Variants in NPFFR2 observed in about 807,000 individuals in gnomAD.
NPFFR2 encodes the protein G-protein coupled receptor 74.
In NPFFR2, 15 loss-of-function variants were observed where a neutral mutation model predicts 13.1. That is an observed-to-expected ratio of 1.15 (90% confidence interval 0.77 to 1.76). The LOEUF is 1.76. NPFFR2 is among the 40% of genes most tolerant of loss of function. NPFFR2 has a pLI of 0.00. For synonymous variants in NPFFR2, 190 were observed against 175.7 expected, an observed-to-expected ratio of 1.08 and a Z score of -0.65; for missense variants, 572 against 503.5, an observed-to-expected ratio of 1.14 and a Z score of -1.30.
intron 1 of NPFFR2, among the ~76,000 whole-genome samples, chr4:72,093,529 A>T (rs1445284852): frequency 2.0e-5 from 3 of 151,994 alleles, no homozygotes; most frequent in African/African-American, 7.3e-5. Context: ...TTATTTTTTT[A>T]AATTCTTTTT....
chr4:72,034,747 T>G (rs954000405), intron 1 of NPFFR2, among the ~76,000 whole-genome samples: 4 of 152,226 alleles, frequency 2.6e-5, no homozygotes, highest in African/African-American at 4.8e-5. Context: ...GGTTCTTAAA[T>G]GAATTTTCCA....
intron 1 of NPFFR2, among the ~76,000 whole-genome samples, chr4:72,050,266 A>G (rs9994192): frequency 0.11 from 16,702 of 152,020 alleles, 2,062 homozygotes; most frequent in East Asian, 0.48. Flanking sequence ...ATTGACATTA[A>G]CCAGAAGACA....
intron 1 of NPFFR2, among the ~76,000 whole-genome samples, chr4:72,046,027 A>T (rs1719370561): frequency 1.3e-5 from 2 of 152,188 alleles, no homozygotes; most frequent in Admixed American, 1.3e-4. Context: ...AATAATGAAA[A>T]ATTAAACCAT....
chr4:72,146,990 G>A lies in NPFFR2; in HGVS notation c.441G>A (p.Val147=), dbSNP rs1371786609. 3 of 1,611,212 alleles carry A rather than the reference G, an allele frequency of 1.9e-6. No individual in the cohort carries two copies. Among genetic ancestry groups the A allele is most frequent in the Non-Finnish European group, 2.5e-6 (3 of 1,178,086 alleles). ...TGTTTAATTGCAGGTTCCAGTGTGT[G>A]GTCTACCCTTTTAAACCAAAGCTCA... ...VAIAVDRFQC[V]VYPFKPKLTI... The change falls in exon 4 of 4, where the codon GTG becomes GTA. Residue 147 remains valine (V), a synonymous_variant. Coordinates refer to ENST00000308744, the MANE Select transcript of NPFFR2 (RefSeq NM_004885.3).
At chr4:72,126,145 AC>A (rs1412769302) in intron 1 of NPFFR2, among the ~76,000 whole-genome samples, 2 of 152,254 alleles carry the variant, frequency 1.3e-5, no homozygotes, top group African/African-American at 4.8e-5. Context: ...CATATGATAT[AC>A]TTGCATCTCA....
At chr4:72,141,448 T>C (rs1018352134) in intron 3 of NPFFR2, among the ~76,000 whole-genome samples, 2 of 152,232 alleles carry the variant, frequency 1.3e-5, no homozygotes, top group Admixed American at 1.3e-4. Context: ...CCAGAGATTC[T>C]GGTATGTTGT....
Position 72,147,014 on chromosome 4 carries a change from C to A in NPFFR2, c.465C>A (p.Leu155=), listed in dbSNP as rs764128041. Residue 155 remains leucine (L), a synonymous_variant, in exon 4 of 4, where the codon CTC becomes CTA. Transcript: ENST00000308744. ...QCVVYPFKPK[L]TIKTAFVIIM... is the part of the protein sequence containing the mutation. ...TGGTCTACCCTTTTAAACCAAAGCTCACTATCAAGACAGCGTTTGTCATTA... is the reference window on the plus strand; with the variant it reads ...TGGTCTACCCTTTTAAACCAAAGCTAACTATCAAGACAGCGTTTGTCATTA... 1.7e-5 allele frequency: 28 copies of A among 1,613,762 alleles called. No homozygotes were observed. The Admixed American group carries it at 4.5e-4, about 26-fold the overall frequency.
chr4:72,046,305 A>T (rs1219782770), intron 1 of NPFFR2, among the ~76,000 whole-genome samples: 6 of 152,186 alleles, frequency 3.9e-5, no homozygotes, highest in African/African-American at 1.4e-4. Context: ...ACTTTAACAG[A>T]TGATTAGGTC....
intron 1 of NPFFR2, among the ~76,000 whole-genome samples, chr4:72,084,392 G>A (rs551135613): frequency 1.3e-5 from 2 of 152,286 alleles, no homozygotes; most frequent in East Asian, 3.9e-4. Context: ...GGAAGGTGAT[G>A]AGACTGAAAA....
chr4:72,136,790 C>A (rs554412895), intron 2 of NPFFR2, among the ~76,000 whole-genome samples: 1 of 152,148 alleles, frequency 6.6e-6, no homozygotes, highest in Non-Finnish European at 1.5e-5. Flanking sequence ...GAGAGTAAAC[C>A]TCCATTCTTC....
chr4:72,067,989 C>A (rs187223049), intron 1 of NPFFR2, among the ~76,000 whole-genome samples: 1 of 152,178 alleles, frequency 6.6e-6, no homozygotes, highest in African/African-American at 2.4e-5. Flanking sequence ...TCAGAATCAC[C>A]CTTAACACTC....
At chr4:72,076,520 T>G (rs1720441404) in intron 1 of NPFFR2, among the ~76,000 whole-genome samples, 1 of 152,120 alleles carries the variant, frequency 6.6e-6, no homozygotes, top group Admixed American at 6.6e-5. Flanking sequence ...ACATCATGAT[T>G]TGATATGAAA....
At chr4:72,132,056 C>G (rs183576130) in intron 2 of NPFFR2, among the ~76,000 whole-genome samples, 1 of 151,480 alleles carries the variant, frequency 6.6e-6, no homozygotes, top group African/African-American at 2.4e-5. Flanking sequence ...GTTTATTACA[C>G]AGGTAAACTT....
intron 2 of NPFFR2, among the ~76,000 whole-genome samples, chr4:72,133,548 T>C (rs773900416): frequency 1.6e-4 from 25 of 152,208 alleles, no homozygotes; most frequent in Non-Finnish European, 2.6e-4. Context: ...GTAAAGAATG[T>C]CATTGGTGAT....
At chr4:72,035,026 C>T (rs567309017) in intron 1 of NPFFR2, among the ~76,000 whole-genome samples, 1 of 152,202 alleles carries the variant, frequency 6.6e-6, no homozygotes, top group African/African-American at 2.4e-5. Context: ...ATTCCTCAAA[C>T]GTAAAAGGAT....
chr4:72,046,714 C>T (rs540684516), intron 1 of NPFFR2, among the ~76,000 whole-genome samples: 1 of 152,246 alleles, frequency 6.6e-6, no homozygotes, highest in South Asian at 2.1e-4. Context: ...TAGAAAAAGC[C>T]TAGATTGCTG....
intron 1 of NPFFR2, among the ~76,000 whole-genome samples, chr4:72,090,210 G>C (rs28874929): frequency 0.029 from 4,431 of 152,192 alleles, 170 homozygotes; most frequent in African/African-American, 0.09. Context: ...GTACCATGCT[G>C]TTGTGGTGAC....
At chr4:72,101,139 A>T (rs781622127) in intron 1 of NPFFR2, among the ~76,000 whole-genome samples, 12 of 152,116 alleles carry the variant, frequency 7.9e-5, no homozygotes, top group Non-Finnish European at 1.6e-4. Flanking sequence ...ACAAAACAAA[A>T]TAAATACGTT....
chr4:72,143,837 G>T (rs1225768974), intron 3 of NPFFR2, among the ~76,000 whole-genome samples: 4 of 152,140 alleles, frequency 2.6e-5, no homozygotes, highest in Non-Finnish European at 5.9e-5. Flanking sequence ...ACCCCTAGAA[G>T]TAGCCCTCAA....
Sources: allele counts gnomAD v4.1 joint callset (sites outside exome capture counted in the v4.1 genomes callset), GRCh38; gene constraint gnomAD v4.1.1; transcripts MANE v1.5; gene names NCBI Gene and HGNC (gene_info 2026-07-23, HGNC 2026-07-21).